TMCO4: variants seen among roughly 807,000 people sequenced by gnomAD.
TMCO4 encodes transmembrane and coiled-coil domain-containing protein 4.
TMCO4 carries 58 observed loss-of-function variants against 64.7 expected under a neutral mutation model. The observed-to-expected ratio is 0.90, with a 90% confidence interval of 0.73 to 1.12. The LOEUF (loss-of-function observed/expected upper bound fraction) is 1.12. Among genes scored for constraint, TMCO4 ranks in the 50% most tolerant of loss-of-function variants. TMCO4 has a pLI of 0.00. For synonymous variants in TMCO4, 325 were observed against 346.1 expected, an observed-to-expected ratio of 0.94 and a Z score of 0.68; for missense variants, 780 against 825.9, an observed-to-expected ratio of 0.94 and a Z score of 0.68.
intron 13 of TMCO4, 60 bp from the exon 14 acceptor site, chr1:19,700,945 G>T: frequency 3.0e-6 from 4 of 1,338,956 alleles, no homozygotes; most frequent in Non-Finnish European, 3.2e-6. Context: ...TGCTGGGAGG[G>T]ACTCCAACAG....
chr1:19,742,027 T>C (rs1369658960), intron 10 of TMCO4, among the ~76,000 whole-genome samples: 1 of 152,078 alleles, frequency 6.6e-6, no homozygotes, highest in Admixed American at 6.6e-5. Context: ...CGTGAACCAC[T>C]GCGCCCGGCG....
chr1:19,719,184 C>T (rs1233346889), intron 13 of TMCO4, among the ~76,000 whole-genome samples: 5 of 152,156 alleles, frequency 3.3e-5, no homozygotes, highest in African/African-American at 1.2e-4. Flanking sequence ...TAAGCTCTAG[C>T]CCTGACCCTT....
intron 10 of TMCO4, among the ~76,000 whole-genome samples, chr1:19,741,512 A>G (rs1293884034): frequency 3.9e-5 from 6 of 152,068 alleles, no homozygotes; most frequent in Non-Finnish European, 7.4e-5. Context: ...CTGAGCCTCA[A>G]TTTTCTCACT....
intron 13 of TMCO4, among the ~76,000 whole-genome samples, chr1:19,715,533 G>C (rs1275915581): frequency 6.6e-6 from 1 of 152,118 alleles, no homozygotes; most frequent in Admixed American, 6.5e-5. Context: ...TGTATATTTG[G>C]TGCCTAATAA....
chr1:19,694,475 G>T lies in TMCO4; in HGVS notation c.1459C>A (p.Leu487Met). Residue 487 changes from leucine to methionine, a missense_variant, in exon 15 of 16, where the codon CTG (leucine) becomes ATG (methionine). Coordinates refer to ENST00000294543, the MANE Select transcript of TMCO4 (RefSeq NM_181719.7). ...ACGTTCTCCACCCTCCTGTCCTGCA[G>T]CAGCACGGGCTGTAGGCCGGCGACA... is the stretch of plus-strand genomic sequence containing the variant. ...LRVAGLQPVLLQDRRVENVDL... is the reference protein window; with the variant it reads ...LRVAGLQPVLMQDRRVENVDL... The T allele has an allele frequency of 6.2e-7, 1 of 1,614,178 alleles. No homozygotes were observed. Among genetic ancestry groups the T allele is most frequent in the Non-Finnish European group, 8.5e-7 (1 of 1,179,984 alleles).
chr1:19,780,643 C>G lies in TMCO4; in HGVS notation c.116G>C (p.Arg39Pro), dbSNP rs145733113. The G allele has an allele frequency of 8.4e-5, 136 of 1,613,878 alleles. 1 individual carries two copies. In the African/African-American group the frequency reaches 1.7e-3, roughly 20 times the overall value. Reference protein sequence around the residue: ...PTGRELTEANRFAYAALCGIS... With the variant: ...PTGRELTEANPFAYAALCGIS... ...GCCACAGAGGGCAGCATAGGCGAAG[C>G]GGTTGGCCTCAGTCAGCTCCCGGCC... The change falls in exon 4 of 16, where the codon CGC becomes CCC. Residue 39 changes from arginine to proline, a missense_variant. By Grantham distance (103) the Arg-to-Pro change is moderately radical. Coordinates refer to ENST00000294543, the MANE Select transcript of TMCO4 (RefSeq NM_181719.7).
intron 13 of TMCO4, among the ~76,000 whole-genome samples, chr1:19,712,072 C>T (rs2095333187): frequency 6.6e-6 from 1 of 152,170 alleles, no homozygotes; most frequent in Admixed American, 6.5e-5. Context: ...GCTGGGATTA[C>T]AGGCATGAGC....
chr1:19,793,106 T>A (rs1259650799), intron 2 of TMCO4, among the ~76,000 whole-genome samples: 1 of 152,032 alleles, frequency 6.6e-6, no homozygotes, highest in Non-Finnish European at 1.5e-5. Flanking sequence ...TGAGTGTAGG[T>A]AAGTGACTAT....
Position 19,739,957 on chromosome 1 carries a change from A to G in TMCO4, c.1046T>C (p.Ile349Thr), listed in dbSNP as rs564170029. The change falls in exon 12 of 16, where the codon ATT becomes ACT. Residue 349 changes from isoleucine to threonine, a missense_variant. Coordinates refer to ENST00000294543, the MANE Select transcript of TMCO4 (RefSeq NM_181719.7). ...EALKYTVLSG[I>T]VAALTWPASL... ...GGCTGGCCAGGTCAGGGCAGCCACAATGCCTGGGGAGGTGAGATAGTGATG... is the reference window on the plus strand; with the variant it reads ...GGCTGGCCAGGTCAGGGCAGCCACAGTGCCTGGGGAGGTGAGATAGTGATG... 1 of 1,612,392 alleles carries G rather than the reference A, an allele frequency of 6.2e-7. No homozygotes were observed. The highest frequency in any genetic ancestry group is 1.1e-5 in the South Asian group (1 of 90,838).
chr1:19,700,230 C>T lies in TMCO4; in HGVS notation c.1382+538G>A, dbSNP rs145242323. On this transcript the variant is annotated intron_variant, in intron 14 of 15. Transcript: ENST00000294543. Reference sequence around the variant, plus strand: ...AGCCGCCAGCCTTCACGGGCCCCCTCCTCTGGCTGGAGGGTCTGTCACCCT... The same window carrying T: ...AGCCGCCAGCCTTCACGGGCCCCCTTCTCTGGCTGGAGGGTCTGTCACCCT... Among the ~76,000 whole-genome samples the T allele has an allele frequency of 2.6e-5, 4 of 152,256 alleles. No individual in the cohort carries two copies. The East Asian group carries it at 5.8e-4, about 22-fold the overall frequency.
At chr1:19,794,640 C>G (rs775948238) in intron 2 of TMCO4, among the ~76,000 whole-genome samples, 9 of 152,182 alleles carry the variant, frequency 5.9e-5, no homozygotes, top group Non-Finnish European at 8.8e-5. Flanking sequence ...AGCAACGCCA[C>G]TTCTGGGTAT....
rs1172850335 is a variant in TMCO4 at position 19,771,482 on chromosome 1, G to A, written c.180C>T (p.Ser60=). ...CTGCCATGAACTCTGTGCAGAAGGA[G>A]CTGAAAGGCAGACATGGCTTAGTTC... The part of the protein sequence containing the change: ...LSQLFPEPEH[S]SFCTEFMAGL... The change falls in exon 5 of 16, where the codon AGC becomes AGT. Residue 60 remains serine, a splice_region_variant and synonymous_variant. Coordinates refer to ENST00000294543, the MANE Select transcript of TMCO4 (RefSeq NM_181719.7). The A allele has an allele frequency of 2.5e-6, 4 of 1,613,492 alleles. No homozygotes were observed. The highest frequency in any genetic ancestry group is 3.4e-6 in the Non-Finnish European group (4 of 1,179,838).
At chr1:19,714,880 G>A (rs924136510) in intron 13 of TMCO4, among the ~76,000 whole-genome samples, 1 of 151,914 alleles carries the variant, frequency 6.6e-6, no homozygotes, top group African/African-American at 2.4e-5. Flanking sequence ...CCCAGATCGC[G>A]CCACTGCACT....
intron 7 of TMCO4, among the ~76,000 whole-genome samples, chr1:19,748,806 A>G (rs974238163): frequency 1.3e-5 from 2 of 151,814 alleles, no homozygotes; most frequent in African/African-American, 4.8e-5. Flanking sequence ...GCTTGGGAAC[A>G]GAGTGAGACC....
intron 15 of TMCO4, among the ~76,000 whole-genome samples, chr1:19,689,112 C>T (rs749775759): frequency 1.3e-5 from 2 of 152,148 alleles, no homozygotes; most frequent in Non-Finnish European, 2.9e-5. Context: ...GAAGACAGGT[C>T]CTGTGGGTCT....
chr1:19,781,144 CAAAAAAA>C (rs535767635), intron 3 of TMCO4, among the ~76,000 whole-genome samples: 61 of 52,604 alleles, frequency 1.2e-3, no homozygotes, highest in African/African-American at 4.3e-3. Context: ...GACTCCATCT[CAAAAAAA>C]AAAAAAAAAA....
At chr1:19,779,653 A>T (rs1245556974) in intron 4 of TMCO4, among the ~76,000 whole-genome samples, 2 of 152,122 alleles carry the variant, frequency 1.3e-5, no homozygotes, top group Non-Finnish European at 1.5e-5. Context: ...ACAATCAGCC[A>T]CCTGGGCACC....
chr1:19,759,407 G>A (rs1364848455), intron 6 of TMCO4, among the ~76,000 whole-genome samples: 1 of 152,080 alleles, frequency 6.6e-6, no homozygotes, highest in Admixed American at 6.6e-5. Context: ...TCATCAATCC[G>A]GTCATGTTCT....
Position 19,695,078 on chromosome 1 carries a change from A to G in TMCO4, c.1383-527T>C, listed in dbSNP as rs574666155. 2.6e-5 allele frequency among the ~76,000 whole-genome samples: 4 copies of G among 152,278 alleles called. No individual in the cohort carries two copies. The South Asian group carries it at 8.3e-4, about 32-fold the overall frequency. On this transcript the variant is annotated intron_variant, in intron 14 of 15. Coordinates refer to ENST00000294543, the MANE Select transcript of TMCO4 (RefSeq NM_181719.7). ...GGGACCAGCTTGGCCTTCCCAGGAC[A>G]GGCTCAGCCCAGGCTGCAGGTCTCC...
Sources: gnomAD v4.1 joint callset for allele counts (sites outside exome capture counted in the v4.1 genomes callset) on GRCh38, gnomAD v4.1.1 for gene constraint, MANE v1.5 for transcripts, NCBI Gene and HGNC (gene_info 2026-07-23, HGNC 2026-07-21) for gene names.